The following SLC68A1 variants were observed in gnomAD, a reference collection of about 807,000 sequenced individuals.
SLC68A1 encodes major facilitator superfamily domain containing 13A.
the SLC68A1 span, chr10:102,470,775 C>A: frequency 6.2e-7 from 1 of 1,613,788 alleles, no homozygotes; most frequent in East Asian, 2.2e-5. Context: ...GTGCCCTGGG[C>A]CCCAGCTGGC....
the SLC68A1 span, chr10:102,471,165 A>T: frequency 6.4e-7 from 1 of 1,565,568 alleles, no homozygotes; most frequent in Non-Finnish European, 8.7e-7. Flanking sequence ...CAACCTTCTA[A>T]GTCTGATTTC....
chr10:102,470,708 G>GTGCGGGCTGTGGTGCTGGCCCGGT, the SLC68A1 span: 2 of 1,612,728 alleles, frequency 1.2e-6, no homozygotes, highest in East Asian at 2.2e-5. Flanking sequence ...GCTGGCCCGG[G>GTGCGGGCTGTGGTGCTGGCCCGGT]TGCAGGCCCT....
At chr10:102,476,041 A>AGTTTT in the SLC68A1 span, 5 of 825,942 alleles carry the variant, frequency 6.1e-6, no homozygotes, top group Non-Finnish European at 7.8e-6. Context: ...GGAAGGAGCC[A>AGTTTT]GTTTTTTTTG....
chr10:102,476,158 C>A, the SLC68A1 span: 1 of 1,189,078 alleles, frequency 8.4e-7, no homozygotes, highest in Non-Finnish European at 1.1e-6. Flanking sequence ...GAAACCACCA[C>A]CCAGGTTCAA....
At chr10:102,468,895 C>A in the SLC68A1 span, 1 of 672,056 alleles carries the variant, frequency 1.5e-6, no homozygotes. Context: ...ATTCAGAGGT[C>A]TGGGGTTAAG....
At chr10:102,470,686 A>C in the SLC68A1 span, 4 of 1,611,626 alleles carry the variant, frequency 2.5e-6, no homozygotes, top group Non-Finnish European at 3.4e-6. Flanking sequence ...GGCTCTCCTC[A>C]AGGGCTGTGG....
the SLC68A1 span, chr10:102,473,802 C>G: frequency 1.2e-6 from 2 of 1,607,392 alleles, no homozygotes; most frequent in Non-Finnish European, 1.7e-6. Context: ...CCTGCCTGCT[C>G]TCTCCCTCTA....
the SLC68A1 span, chr10:102,476,187 C>T: frequency 2.5e-5 from 23 of 917,544 alleles, no homozygotes; most frequent in Non-Finnish European, 3.3e-5. Context: ...CCTGCCTCAG[C>T]CTCCCGAGTA....
At chr10:102,466,911 CG>C in the SLC68A1 span, among the ~76,000 whole-genome samples, 1 of 152,244 alleles carries the variant, frequency 6.6e-6, no homozygotes, top group Non-Finnish European at 1.5e-5. Flanking sequence ...CTTTAGAGAG[CG>C]TCTCATTTAA....
the SLC68A1 span, chr10:102,469,060 C>G: frequency 2.5e-6 from 4 of 1,613,812 alleles, no homozygotes; most frequent in Non-Finnish European, 3.4e-6. Context: ...GGCCTGGTTG[C>G]TGGGTCTGCC....
chr10:102,476,876 A>C, the SLC68A1 span: 1 of 985,246 alleles, frequency 1.0e-6, no homozygotes, highest in Non-Finnish European at 1.2e-6. Context: ...TGTAAGTCCC[A>C]CCTCCCACTC....
the SLC68A1 span, among the ~76,000 whole-genome samples, chr10:102,475,298 C>CA: frequency 0.52 from 76,255 of 145,958 alleles, 19,676 homozygotes; most frequent in Middle Eastern, 0.64. Context: ...TCCCTCTTTC[C>CA]AAAAAAAAAA....
At chr10:102,473,785 C>T in the SLC68A1 span, 11 of 1,606,526 alleles carry the variant, frequency 6.8e-6, no homozygotes, top group Non-Finnish European at 8.5e-6. Context: ...CATCCCATGC[C>T]TTCATTCCTG....
At chr10:102,476,043 T>TTTTTTG in the SLC68A1 span, 2 of 1,229,946 alleles carry the variant, frequency 1.6e-6, no homozygotes, top group East Asian at 6.2e-5. Flanking sequence ...AAGGAGCCAG[T>TTTTTTG]TTTTTTTGGT....
At chr10:102,471,824 C>T in the SLC68A1 span, among the ~76,000 whole-genome samples, 1 of 151,824 alleles carries the variant, frequency 6.6e-6, no homozygotes, top group African/African-American at 2.4e-5. Context: ...CTGGGCAATT[C>T]GATGGCAGGA....
At chr10:102,466,906 G>C in the SLC68A1 span, among the ~76,000 whole-genome samples, 3 of 152,262 alleles carry the variant, frequency 2.0e-5, no homozygotes, top group Non-Finnish European at 2.9e-5. Flanking sequence ...AGCACCTTTA[G>C]AGAGCGTCTC....
the SLC68A1 span, chr10:102,472,905 C>A: frequency 6.2e-7 from 1 of 1,614,192 alleles, no homozygotes; most frequent in Non-Finnish European, 8.5e-7. Context: ...CCTGGAGCAT[C>A]TGTTGTCCGA....
At chr10:102,470,863 C>G in the SLC68A1 span, 1 of 1,613,318 alleles carries the variant, frequency 6.2e-7, no homozygotes, top group Non-Finnish European at 8.5e-7. Context: ...CCTTGCTGGC[C>G]GACCTGGCCC....
At chr10:102,473,837 G>A in the SLC68A1 span, 1 of 1,612,330 alleles carries the variant, frequency 6.2e-7, no homozygotes, top group South Asian at 1.1e-5. Flanking sequence ...TCTTCACTGA[G>A]GGCACCTGTA....
Sources: allele counts gnomAD v4.1 joint callset (sites outside exome capture counted in the v4.1 genomes callset), GRCh38; gene constraint gnomAD v4.1.1; transcripts MANE v1.5; gene names NCBI Gene and HGNC (gene_info 2026-07-23, HGNC 2026-07-21).